The following MYLK variants were observed in gnomAD, a reference collection of about 807,000 sequenced individuals.
MYLK encodes myosin light chain kinase.
In MYLK, 106 loss-of-function variants were observed where a neutral mutation model predicts 203.4. The observed-to-expected ratio is 0.52, with a 90% CI of 0.45 to 0.61. MYLK has a LOEUF of 0.61. Among genes scored for constraint, MYLK ranks in the 20% least tolerant of loss-of-function variants. MYLK has a pLI of 0.00. For missense variants in MYLK, 2,072 were observed against 2,442.3 expected, an observed-to-expected ratio of 0.85 and a Z score of 3.20; for synonymous variants, 867 against 959.5, an observed-to-expected ratio of 0.90 and a Z score of 1.78.
intron 13 of MYLK, among the ~76,000 whole-genome samples, chr3:123,710,969 T>C (rs2061668181): frequency 6.6e-6 from 1 of 152,128 alleles, no homozygotes; most frequent in African/African-American, 2.4e-5. Flanking sequence ...CACCAAGCTG[T>C]AGTCCCAGCT....
At chr3:123,859,833 T>C (rs1390342875) in intron 2 of MYLK, among the ~76,000 whole-genome samples, 1 of 152,192 alleles carries the variant, frequency 6.6e-6, no homozygotes, top group Non-Finnish European at 1.5e-5. Context: ...AAATGACTGG[T>C]ATCTGTTTCT....
chr3:123,746,304 C>G (rs1048576398), intron 5 of MYLK, among the ~76,000 whole-genome samples: 2 of 49,018 alleles, frequency 4.1e-5, no homozygotes, highest in African/African-American at 7.4e-5. Context: ...TTCTTTATAT[C>G]CTAGCACAAA....
At chr3:123,864,376 AT>A (rs1291609850) in intron 2 of MYLK, among the ~76,000 whole-genome samples, 2 of 152,194 alleles carry the variant, frequency 1.3e-5, no homozygotes, top group Non-Finnish European at 2.9e-5. Context: ...CGTAAACAAT[AT>A]TCAACTCAAG....
chr3:123,780,241 C>G (rs756238001), intron 4 of MYLK, among the ~76,000 whole-genome samples: 1 of 152,082 alleles, frequency 6.6e-6, no homozygotes, highest in African/African-American at 2.4e-5. Context: ...TGAGACCAGC[C>G]TGACCAATGT....
intron 5 of MYLK, among the ~76,000 whole-genome samples, chr3:123,746,207 A>C (rs911527187): frequency 6.6e-6 from 1 of 152,196 alleles, no homozygotes. Context: ...TTGTGAAGCC[A>C]GGCATGGTGG....
chr3:123,658,370 A>G (rs1457713501), intron 23 of MYLK, among the ~76,000 whole-genome samples: 1 of 152,216 alleles, frequency 6.6e-6, no homozygotes, highest in Non-Finnish European at 1.5e-5. Flanking sequence ...CTTCAAGTCA[A>G]ATCATGGTAG....
At chr3:123,684,062 A>C (rs2060364591) in intron 19 of MYLK, among the ~76,000 whole-genome samples, 1 of 152,162 alleles carries the variant, frequency 6.6e-6, no homozygotes, top group South Asian at 2.1e-4. Context: ...GGCAGGGATG[A>C]TTTCATTTTC....
intron 5 of MYLK, among the ~76,000 whole-genome samples, chr3:123,747,044 C>T (rs979683183): frequency 1.2e-4 from 19 of 152,264 alleles, no homozygotes; most frequent in East Asian, 3.9e-4. Context: ...TAAATAGACA[C>T]GGCCTAAAAA....
intron 31 of MYLK, chr3:123,624,817 C>T (rs2058056306): frequency 2.6e-5 from 4 of 152,162 alleles, no homozygotes; most frequent in Non-Finnish European, 4.4e-5. Context: ...GGTGGAGGAG[C>T]ACAGCTGATA....
chr3:123,775,788 G>A (rs1560201950), intron 4 of MYLK, among the ~76,000 whole-genome samples: 1 of 152,100 alleles, frequency 6.6e-6, no homozygotes, highest in Non-Finnish European at 1.5e-5. Context: ...ATTTAATGAG[G>A]TCCTCTATCA....
In MYLK at chr3:123,648,935, C is replaced by A; in HGVS notation, c.4415+36G>T. ...ACTGTGAGACCCGCACCACCCTCAC[C>A]CTGGGAGCCCAGAGGCAACTTCCCA... On this transcript the variant is annotated intron_variant, in intron 26 of 33. Transcript: ENST00000360304. The surrounding 1 kb of genome is among the most constrained non-coding windows in gnomAD (Gnocchi z 4.5). 6.3e-7 allele frequency: 1 copy of A among 1,587,266 alleles called. No homozygotes were observed. Among genetic ancestry groups the A allele is most frequent in the East Asian group, 2.2e-5 (1 of 44,722 alleles).
Position 123,643,813 on chromosome 3 carries a change from C to T in MYLK, c.4620-3309G>A, listed in dbSNP as rs9864925. ...TGCTATCACTGGACTCGAGACCCTC[C>T]GCTCCTTGCCCTATGGCAGCCAGCT... On this transcript the variant is annotated intron_variant, in intron 27 of 33. Transcript: ENST00000360304. 5.3e-3 allele frequency among the ~76,000 whole-genome samples: 809 copies of T among 152,372 alleles called. 4 individuals are homozygous for T. The highest frequency in any genetic ancestry group is 0.019 in the African/African-American group (777 of 41,596).
chr3:123,882,386 C>T (rs1202702554), intron 1 of MYLK, among the ~76,000 whole-genome samples: 1 of 152,184 alleles, frequency 6.6e-6, no homozygotes, highest in East Asian at 1.9e-4. Context: ...TGTACTCCAG[C>T]CTGGGCAACA....
chr3:123,779,744 C>T (rs1275932035), intron 4 of MYLK, among the ~76,000 whole-genome samples: 1 of 152,214 alleles, frequency 6.6e-6, no homozygotes, highest in African/African-American at 2.4e-5. Context: ...CCATCACCAT[C>T]TCCCACCCGC....
In MYLK at chr3:123,840,120, G is replaced by C. The variant is rs116638692; in HGVS notation, c.-126-8450C>G. 8.3e-3 allele frequency among the ~76,000 whole-genome samples: 1,262 copies of C among 152,096 alleles called. 21 individuals are homozygous for C. The highest frequency in any genetic ancestry group is 0.028 in the African/African-American group (1,164 of 41,520). On this transcript the variant is annotated intron_variant, in intron 2 of 33. Coordinates refer to ENST00000360304, the MANE Select transcript of MYLK (RefSeq NM_053025.4). ...GGAAAGTATTAACTCAGTGATCTAAGCTTCCACTTTAGGATAAACTAGAAA... is the reference window on the plus strand; with the variant it reads ...GGAAAGTATTAACTCAGTGATCTAACCTTCCACTTTAGGATAAACTAGAAA...
At chr3:123,827,959 T>C (rs971943151) in intron 3 of MYLK, among the ~76,000 whole-genome samples, 2 of 150,610 alleles carry the variant, frequency 1.3e-5, no homozygotes, top group African/African-American at 4.9e-5. Context: ...CAAGAAAAAC[T>C]ACAAAACACT....
In MYLK at chr3:123,664,374, G is replaced by C. The variant is rs569867547; in HGVS notation, c.3832-116C>G. The C allele has an allele frequency of 2.1e-6, 3 of 1,426,216 alleles. 1 individual carries two copies. The highest frequency in any genetic ancestry group is 2.3e-5 in the South Asian group (2 of 86,126). The allele number at this position is 1,426,216 out of a possible 1,614,324, so 88.3% of individuals were successfully genotyped here. A position where few individuals can be genotyped will look rare whatever the true frequency, so the allele number is the denominator to read the frequency against. On this transcript the variant is annotated intron_variant, in intron 22 of 33. Transcript: ENST00000360304. ...GATGCAGCTGGACAAGCTGTGGGGGGGCTCAGTCTGGTCTGGACTCTGCCC... is the reference window on the plus strand; with the variant it reads ...GATGCAGCTGGACAAGCTGTGGGGGCGCTCAGTCTGGTCTGGACTCTGCCC...
intron 3 of MYLK, among the ~76,000 whole-genome samples, chr3:123,821,004 C>G (rs778924757): frequency 2.0e-5 from 3 of 152,200 alleles, no homozygotes; most frequent in South Asian, 2.1e-4. Flanking sequence ...GCTGGGATTA[C>G]AGGCGTGAGC....
At position 123,629,929 on chromosome 3, in the gene MYLK, T is replaced by C. The variant is rs820446; in HGVS notation, c.4962-303A>G. 83,517 of 389,372 alleles carry C rather than the reference T, an allele frequency of 0.21. 17,198 individuals carry two copies. The highest frequency in any genetic ancestry group is 0.63 in the East Asian group (11,107 of 17,732). The allele number at this position is 389,372 out of a possible 1,614,324, so 24.1% of individuals were successfully genotyped here. On this transcript the variant is annotated intron_variant, in intron 29 of 33. Transcript: ENST00000360304. The surrounding 1 kb of genome is among the most constrained non-coding windows in gnomAD (Gnocchi z 4.4). Reference sequence around the variant, plus strand: ...GCAGGGCTGATAAGTCCCTCTGTCCTGGTTTTCTATTATTCCCCAAAGCCC... The same window carrying C: ...GCAGGGCTGATAAGTCCCTCTGTCCCGGTTTTCTATTATTCCCCAAAGCCC...
Sources: gnomAD v4.1 joint callset for allele counts (sites outside exome capture counted in the v4.1 genomes callset) on GRCh38, gnomAD v4.1.1 for gene constraint, Gnocchi (gnomAD v3.1) non-coding constraint, MANE v1.5 for transcripts, NCBI Gene and HGNC (gene_info 2026-07-23, HGNC 2026-07-21) for gene names.